Variants in CAD observed in about 807,000 individuals in gnomAD.
CAD encodes the protein carbamoyl-phosphate synthetase 2, aspartate transcarbamylase, and dihydroorotase, also known as multifunctional protein CAD.
CAD carries 81 observed loss-of-function variants against 237.2 expected under a neutral mutation model. The ratio of observed to expected loss-of-function variants is 0.34; its 90% CI spans 0.29 to 0.41. The LOEUF is 0.41. CAD is among the 10% of genes least tolerant of loss of function. The probability of loss-of-function intolerance (pLI) is 1.00; values close to 1 mark genes in which losing one functional copy is unlikely to be tolerated. For missense variants in CAD, 2,181 were observed against 2,951.7 expected (o/e 0.74, Z 6.05); for synonymous variants, 1,196 against 1,162.8 (o/e 1.03, Z -0.58).
At position 27,242,168 on chromosome 2, in the gene CAD, C is replaced by A. The variant is rs1406029027; in HGVS notation, c.6096+45C>A. 6.2e-7 allele frequency: 1 copy of A among 1,600,074 alleles called. No individual in the cohort carries two copies. Among genetic ancestry groups the A allele is most frequent in the East Asian group, 2.2e-5 (1 of 44,574 alleles). On this transcript the variant is annotated intron_variant, in intron 39 of 43. Coordinates refer to ENST00000264705, the MANE Select transcript of CAD (RefSeq NM_004341.5). This position sits in a 1 kb window ranked among gnomAD's most constrained non-coding sequence, Gnocchi z 6.4. ...TGAGATGGGGTTAAGAAGGCTGGACCCAGGGGCATGAGAACCCTTCTGCCC... is the reference window on the plus strand; with the variant it reads ...TGAGATGGGGTTAAGAAGGCTGGACACAGGGGCATGAGAACCCTTCTGCCC...
intron 12 of CAD, 96 bp from the exon 13 acceptor site, chr2:27,226,035 T>C: frequency 6.7e-7 from 1 of 1,484,288 alleles, no homozygotes; most frequent in Admixed American, 1.7e-5. Context: ...AGACCCAGGT[T>C]AGGTGCAGCC....
intron 30 of CAD, 122 bp downstream of exon 30, chr2:27,238,309 C>G (rs1413545205): frequency 6.9e-7 from 1 of 1,457,816 alleles, no homozygotes. Flanking sequence ...AGGAGGGTCT[C>G]GAGCCAGCAC....
At chr2:27,221,032 G>A (rs1675138432) in intron 2 of CAD, among the ~76,000 whole-genome samples, 186 bp from the exon 3 acceptor site, 1 of 152,162 alleles carries the variant, frequency 6.6e-6, no homozygotes, top group African/African-American at 2.4e-5. Context: ...TGGGCCTGTG[G>A]GTTGTGTTTC....
rs748330730 is a variant in CAD, at chr2:27,237,786, C to G, written c.4632C>G (p.Thr1544=). The G allele has an allele frequency of 6.2e-7, 1 of 1,614,232 alleles. No homozygotes were observed. ...FLGASSENAG[T]LGTVAGSAAG... is the part of the protein sequence containing the mutation. ...GGGCCTCGTCTGAAAATGCAGGAAC[C>G]TTGGGCACCGTGGCCGGGTCTGCAG... Residue 1544 remains threonine (T), a synonymous_variant, in exon 29 of 44, where the codon ACC becomes ACG. Transcript: ENST00000264705. This position sits in a 1 kb window ranked among gnomAD's most constrained non-coding sequence, Gnocchi z 4.0.
At chr2:27,230,255 T>C (rs1675674212) in intron 15 of CAD, among the ~76,000 whole-genome samples, 1 of 151,760 alleles carries the variant, frequency 6.6e-6, no homozygotes, top group Non-Finnish European at 1.5e-5. Context: ...ATTAAGTTGG[T>C]GTTGATGAGG....
At chr2:27,224,649 A>G in intron 9 of CAD, 96 bp from the exon 10 acceptor site, 2 of 1,551,720 alleles carry the variant, frequency 1.3e-6, no homozygotes, top group South Asian at 2.3e-5. Context: ...AGGGGCCAAG[A>G]GTACAGGGAG....
At position 27,232,792 on chromosome 2, in the gene CAD, C is replaced by G; in HGVS notation, c.2892+98C>G. ...TGGCATTTCCTATTAATTGCCGTCCCTTACTTTGGTCATAGAGCTTTGGGG... is the reference window on the plus strand; with the variant it reads ...TGGCATTTCCTATTAATTGCCGTCCGTTACTTTGGTCATAGAGCTTTGGGG... On this transcript the variant is annotated intron_variant, in intron 18 of 43. Coordinates refer to ENST00000264705, the MANE Select transcript of CAD (RefSeq NM_004341.5). This position sits in a 1 kb window ranked among gnomAD's most constrained non-coding sequence, Gnocchi z 4.1. The G allele has an allele frequency of 6.7e-7, 1 of 1,490,598 alleles. No individual in the cohort carries two copies. 92.3% of individuals were successfully genotyped at this position (1,490,598 alleles called of 1,614,324 possible).
rs1316712593 is a variant in CAD at position 27,223,426 on chromosome 2, G to A, written c.810-137G>A. 53 of 726,514 alleles carry A rather than the reference G, an allele frequency of 7.3e-5. 1 individual carries two copies. Among genetic ancestry groups the A allele is most frequent in the South Asian group, 4.8e-4 (25 of 51,884 alleles). The allele number at this position is 726,514 out of a possible 1,614,324, so 45.0% of individuals were successfully genotyped here. On this transcript the variant is annotated intron_variant, in intron 6 of 43. Coordinates refer to ENST00000264705, the MANE Select transcript of CAD (RefSeq NM_004341.5). ...AGCCCGGGAAACAGAGGGAGACTCC[G>A]TCTCAAAAAAAAAAAAAAAACAAAA...
chr2:27,232,633 G>A lies in CAD; in HGVS notation c.2831G>A (p.Arg944His), dbSNP rs141169282. Residue 944 changes from arginine (R) to histidine (H), a missense_variant, in exon 18 of 44, where the codon CGT becomes CAT. Around this residue, in one of 12 missense-constraint regions of CAD, gnomAD observed 385 missense variants for 535.1 expected, o/e 0.72. Coordinates refer to ENST00000264705, the MANE Select transcript of CAD (RefSeq NM_004341.5). This position sits in a 1 kb window ranked among gnomAD's most constrained non-coding sequence, Gnocchi z 4.1. ...HVLVLGSGVY[R>H]IGSSVEFDWC... ...CTAGTCCTTGGCTCTGGCGTCTACC[G>A]TATTGGCTCTAGCGTTGAATTTGAC... is the stretch of plus-strand genomic sequence containing the variant. 11 of 1,614,052 alleles carry A rather than the reference G, an allele frequency of 6.8e-6. No homozygotes were observed. Among genetic ancestry groups the A allele is most frequent in the African/African-American group, 2.7e-5 (2 of 74,936 alleles).
intron 7 of CAD, 76 bp from the exon 8 acceptor site, chr2:27,223,841 T>C (rs1675299740): frequency 1.9e-6 from 3 of 1,539,816 alleles, no homozygotes; most frequent in African/African-American, 1.4e-5. Flanking sequence ...GAGTCCCCTG[T>C]CCCACTACCC....
At chr2:27,225,303 C>CTTTTTT (rs1221617250) in intron 11 of CAD, 60 bp downstream of exon 11, 38 of 542,712 alleles carry the variant, frequency 7.0e-5, no homozygotes, top group South Asian at 2.0e-4. Flanking sequence ...GTGTTATTTT[C>CTTTTTT]TTTTTTTTTT....
In CAD at chr2:27,225,916, A is replaced by G. The variant is rs1255118883; in HGVS notation, c.1832A>G (p.Asn611Ser). ...GAGGTGGTGAGAGACGCCTATGGCA[A>G]CTGTGTCACGGTGAGTGAATGGGGG... ...EYEVVRDAYGNCVTVCNMENL... is the reference protein window; with the variant it reads ...EYEVVRDAYGSCVTVCNMENL... The change falls in exon 12 of 44, where the codon AAC becomes AGC. Residue 611 changes from asparagine (N) to serine (S), a missense_variant. Asn to Ser is a conservative substitution (Grantham distance 46). Around this residue, in one of 12 missense-constraint regions of CAD, gnomAD observed 385 missense variants for 535.1 expected, o/e 0.72. Transcript: ENST00000264705. The G allele has an allele frequency of 8.7e-6, 14 of 1,614,006 alleles. No individual in the cohort carries two copies. The highest frequency in any genetic ancestry group is 1.6e-4 in the Middle Eastern group (1 of 6,062).
intron 42 of CAD, 90 bp from the exon 43 acceptor site, chr2:27,243,108 T>C (rs1351249415): frequency 8.7e-6 from 12 of 1,384,374 alleles, no homozygotes; most frequent in Non-Finnish European, 1.2e-5. Context: ...TGCATGTGGG[T>C]GTGGAGGGGA....
At chr2:27,234,341 C>A in intron 22 of CAD, 115 bp downstream of exon 22, 1 of 1,206,226 alleles carries the variant, frequency 8.3e-7, no homozygotes, top group Non-Finnish European at 1.2e-6. Flanking sequence ...GGCAGGGAAG[C>A]TGGAGGGAAA....
rs1463682497 is a variant in CAD at position 27,226,329 on chromosome 2, AG to A, written c.2031+12del. ...CCCTGAGTCTGAGCAGGTAAGCTCT[AG>A]GCCCTGGAACTGATAGTCTAGTTGT... On this transcript the variant is annotated intron_variant, in intron 13 of 43. Coordinates refer to ENST00000264705, the MANE Select transcript of CAD (RefSeq NM_004341.5). 5.6e-6 allele frequency: 9 copies of A among 1,613,078 alleles called. No homozygotes were observed. Among genetic ancestry groups the A allele is most frequent in the Admixed American group, 3.3e-5 (2 of 59,994 alleles).
chr2:27,240,635 G>T lies in CAD; in HGVS notation c.5593+274G>T. The T allele has an allele frequency of 1.9e-6, 3 of 1,543,482 alleles. No individual in the cohort carries two copies. The highest frequency in any genetic ancestry group is 2.6e-6 in the Non-Finnish European group (3 of 1,142,852). On this transcript the variant is annotated intron_variant, in intron 35 of 43. Transcript: ENST00000264705. This position sits in a 1 kb window ranked among gnomAD's most constrained non-coding sequence, Gnocchi z 4.6. ...AGCGTGGGGTAAATCCAGGTTGTTGGTTGGTGTGAGTCTGGCCGTTCCTCT... is the reference window on the plus strand; with the variant it reads ...AGCGTGGGGTAAATCCAGGTTGTTGTTTGGTGTGAGTCTGGCCGTTCCTCT...
At chr2:27,221,951 CT>C (rs1675192005) in intron 3 of CAD, among the ~76,000 whole-genome samples, 2 of 148,816 alleles carry the variant, frequency 1.3e-5, no homozygotes, top group East Asian at 2.0e-4. Context: ...TTAGCGTATT[CT>C]TTTTTTCCCT....
In CAD at chr2:27,222,202, A is replaced by C. The variant is rs1172497731; in HGVS notation, c.361A>C (p.Thr121Pro). The C allele has an allele frequency of 6.2e-7, 1 of 1,613,804 alleles. No homozygotes were observed. The highest frequency in any genetic ancestry group is 8.5e-7 in the Non-Finnish European group (1 of 1,179,808). The change falls in exon 4 of 44, where the codon ACT becomes CCT. Residue 121 changes from threonine (T) to proline (P), a missense_variant. Thr to Pro is a conservative substitution (Grantham distance 38). Transcript: ENST00000264705. ...HGIPGLQGVDTRELTKKLREQ... is the reference protein window; with the variant it reads ...HGIPGLQGVDPRELTKKLREQ... ...CTGTGCTATTTTGACAGGAGTAGAC[A>C]CTCGGGAGCTGACCAAGAAGTTGCG...
intron 2 of CAD, among the ~76,000 whole-genome samples, chr2:27,220,139 A>G (rs1160302905): frequency 6.6e-6 from 1 of 152,196 alleles, no homozygotes; most frequent in East Asian, 1.9e-4. Context: ...ATCTTTTGCA[A>G]TGCCTGCACC....
Sources: gnomAD v4.1 joint callset for allele counts (sites outside exome capture counted in the v4.1 genomes callset) on GRCh38, gnomAD v4.1.1 for gene constraint, gnomAD v4.1.1 regional missense constraint, Gnocchi (gnomAD v3.1) non-coding constraint, MANE v1.5 for transcripts, NCBI Gene and HGNC (gene_info 2026-07-23, HGNC 2026-07-21) for gene names.